RIPOR3: variants seen among roughly 807,000 people sequenced by gnomAD.
The protein encoded by RIPOR3 is family with sequence similarity 65 member C.
A neutral mutation model predicts 114.3 loss-of-function variants in RIPOR3; 95 were observed. That is an observed-to-expected ratio of 0.83 (90% CI 0.70 to 0.99). The LOEUF is 0.99. Among genes scored for constraint, RIPOR3 ranks in the 50% least tolerant of loss-of-function variants. RIPOR3 has a pLI of 0.00. For missense variants in RIPOR3, 1,252 were observed against 1,266.9 expected, an observed-to-expected ratio of 0.99 and a Z score of 0.18; for synonymous variants, 575 against 543.8, an observed-to-expected ratio of 1.06 and a Z score of -0.80.
At chr20:50,633,639 A>G (rs1405829820) in intron 1 of RIPOR3, among the ~76,000 whole-genome samples, 1 of 152,156 alleles carries the variant, frequency 6.6e-6, no homozygotes, top group Admixed American at 6.6e-5. Flanking sequence ...CTCCCTCTGC[A>G]CCTTCCCATC....
intron 1 of RIPOR3, among the ~76,000 whole-genome samples, chr20:50,672,057 G>C (rs1197557591): frequency 6.6e-6 from 1 of 152,078 alleles, no homozygotes; most frequent in Non-Finnish European, 1.5e-5. Context: ...TGGATGGAAG[G>C]ATGGATGGGT....
chr20:50,608,477 C>T lies in RIPOR3; in HGVS notation c.868G>A (p.Ala290Thr), dbSNP rs775730610. ...TGCGGCCGCGTCGTGAAGAAGTCGG[C>T]GATGTCACACGTCACTGCACCCACA... Reference protein sequence around the residue: ...LAVGAVTCDIADFFTTRPQVI... With the variant: ...LAVGAVTCDITDFFTTRPQVI... The change falls in exon 11 of 22, where the codon GCC (alanine) becomes ACC (threonine). Residue 290 changes from alanine (A) to threonine (T), a missense_variant. By Grantham distance (58) the Ala-to-Thr change is moderately conservative (BLOSUM62 0). Transcript: ENST00000327979. 8.1e-6 allele frequency: 13 copies of T among 1,613,934 alleles called. No homozygotes were observed. Among genetic ancestry groups the T allele is most frequent in the African/African-American group, 4.0e-5 (3 of 75,022 alleles).
chr20:50,651,074 C>A (rs2085586454), intron 1 of RIPOR3, among the ~76,000 whole-genome samples: 1 of 152,028 alleles, frequency 6.6e-6, no homozygotes, highest in Non-Finnish European at 1.5e-5. Flanking sequence ...CGGGTTCAAG[C>A]AGTTCTCCTG....
intron 2 of RIPOR3, among the ~76,000 whole-genome samples, chr20:50,624,906 G>T (rs555836773): frequency 2.0e-5 from 3 of 152,172 alleles, no homozygotes; most frequent in African/African-American, 7.2e-5. Context: ...GCCTCCAGGC[G>T]GGACAATTAT....
intron 1 of RIPOR3, among the ~76,000 whole-genome samples, chr20:50,681,234 AAAAAAAAAGAAAAG>A (rs1278044353): frequency 8.8e-6 from 1 of 113,040 alleles, no homozygotes; most frequent in African/African-American, 3.0e-5. Context: ...CAAAAAAAAA[AAAAAAAAAGAAAAG>A]AAAAGAAAAG....
At chr20:50,650,474 T>G (rs1311230726) in intron 1 of RIPOR3, among the ~76,000 whole-genome samples, 1 of 152,074 alleles carries the variant, frequency 6.6e-6, no homozygotes, top group Non-Finnish European at 1.5e-5. Context: ...GGCTAACTTT[T>G]TGTACTTTTA....
chr20:50,631,459 T>C (rs1416162698), intron 1 of RIPOR3, among the ~76,000 whole-genome samples: 1 of 152,124 alleles, frequency 6.6e-6, no homozygotes, highest in Non-Finnish European at 1.5e-5. Context: ...CCAGGATGCA[T>C]GAGGGGACTT....
At chr20:50,685,819 CAAAAA>C (rs541595639) in intron 1 of RIPOR3, among the ~76,000 whole-genome samples, 1 of 113,032 alleles carries the variant, frequency 8.8e-6, no homozygotes, top group Non-Finnish European at 1.7e-5. Context: ...GACTCTGTCT[CAAAAA>C]AAAAAAAAAA....
Position 50,608,227 on chromosome 20 carries a change from C to A in RIPOR3, c.956+162G>T, listed in dbSNP as rs144987952. On this transcript the variant is annotated intron_variant, in intron 11 of 21. Coordinates refer to ENST00000327979, the MANE Select transcript of RIPOR3 (RefSeq NM_001290268.2). Reference sequence around the variant, plus strand: ...GCAGGGGCTACAGAGAAGTTCTAGGCCTCGACCTGACTGAGGGGTGGGAGT... The same window carrying A: ...GCAGGGGCTACAGAGAAGTTCTAGGACTCGACCTGACTGAGGGGTGGGAGT... Among the ~76,000 whole-genome samples, 1,153 of 152,264 alleles carry A rather than the reference C, an allele frequency of 7.6e-3. 6 individuals are homozygous for A. Among genetic ancestry groups the A allele is most frequent in the Middle Eastern group, 0.017 (5 of 294 alleles).
intron 1 of RIPOR3, among the ~76,000 whole-genome samples, chr20:50,650,176 A>G (rs2085549799): frequency 6.6e-6 from 1 of 152,150 alleles, no homozygotes; most frequent in African/African-American, 2.4e-5. Flanking sequence ...GGAAGAGGCA[A>G]GAGAACACTC....
chr20:50,682,018 A>T (rs1257814544), intron 1 of RIPOR3, among the ~76,000 whole-genome samples: 1 of 152,298 alleles, frequency 6.6e-6, no homozygotes, highest in African/African-American at 2.4e-5. Flanking sequence ...TGGCTTGTGA[A>T]TTGGTACAAC....
chr20:50,649,226 C>A (rs190584837), intron 1 of RIPOR3, among the ~76,000 whole-genome samples: 1 of 152,294 alleles, frequency 6.6e-6, no homozygotes, highest in East Asian at 1.9e-4. Flanking sequence ...GGACAGATCA[C>A]CTGAGGTTAG....
chr20:50,641,652 C>T (rs1252064358), intron 1 of RIPOR3, among the ~76,000 whole-genome samples: 5 of 152,186 alleles, frequency 3.3e-5, no homozygotes, highest in Admixed American at 6.5e-5. Flanking sequence ...GGAATCTGTC[C>T]CCAGCCACCT....
At chr20:50,651,970 G>A (rs920628532) in intron 1 of RIPOR3, among the ~76,000 whole-genome samples, 4 of 152,180 alleles carry the variant, frequency 2.6e-5, no homozygotes, top group Non-Finnish European at 4.4e-5. Context: ...TGGACATGGC[G>A]GGGCAAAGAC....
Position 50,611,193 on chromosome 20 carries a change from A to G in RIPOR3, c.360T>C (p.Tyr120=), listed in dbSNP as rs1276526472. Reference sequence around the variant, plus strand: ...TATGCAGACTCACCTTGTCCAGGTCATAATAGAAAGCCTGTGAGGGAGGAA... The same window carrying G: ...TATGCAGACTCACCTTGTCCAGGTCGTAATAGAAAGCCTGTGAGGGAGGAA... ...TRRNSRLAFY[Y]DLDKQTRCVE... Residue 120 remains tyrosine, a synonymous_variant, in exon 5 of 22, where the codon TAT becomes TAC. Coordinates refer to ENST00000327979, the MANE Select transcript of RIPOR3 (RefSeq NM_001290268.2). 7.4e-6 allele frequency: 12 copies of G among 1,614,064 alleles called. No homozygotes were observed. Among genetic ancestry groups the G allele is most frequent in the Non-Finnish European group, 9.3e-6 (11 of 1,180,040 alleles).
At chr20:50,587,417 A>G (rs761566767) in intron 21 of RIPOR3, 85 bp from the exon 22 acceptor site, 99 of 1,164,916 alleles carry the variant, frequency 8.5e-5, no homozygotes, top group Non-Finnish European at 1.1e-4. Flanking sequence ...CCTAGTGCTT[A>G]GTGACTGTGG....
rs186353500 is a variant in RIPOR3 at position 50,602,730 on chromosome 20, C to T, written c.1087-86G>A. 6.0e-5 allele frequency: 61 copies of T among 1,025,156 alleles called. No homozygotes were observed. Among genetic ancestry groups the T allele is most frequent in the East Asian group, 8.6e-5 (3 of 34,914 alleles). 63.5% of individuals were successfully genotyped at this position (1,025,156 alleles called of 1,614,324 possible). A position where few individuals can be genotyped will look rare whatever the true frequency, so the allele number is the denominator to read the frequency against. On this transcript the variant is annotated intron_variant, in intron 12 of 21. Transcript: ENST00000327979. This position sits in a 1 kb window ranked among gnomAD's most constrained non-coding sequence, Gnocchi z 4.3. ...AGAGGGGCTTCCCCTGACAGACACCCGCTGTGCATGCCCATGTTCTCAGGA... is the reference window on the plus strand; with the variant it reads ...AGAGGGGCTTCCCCTGACAGACACCTGCTGTGCATGCCCATGTTCTCAGGA...
rs866111197 is a variant in RIPOR3, at chr20:50,644,714, G to A, written c.4-13858C>T. 3.5e-3 allele frequency among the ~76,000 whole-genome samples: 400 copies of A among 114,382 alleles called. 3 individuals are homozygous for A. Among genetic ancestry groups the A allele is most frequent in the African/African-American group, 0.013 (371 of 27,918 alleles). 75.0% of individuals were successfully genotyped at this position (114,382 alleles called of 152,430 possible). On this transcript the variant is annotated intron_variant, in intron 1 of 21. Coordinates refer to ENST00000327979, the MANE Select transcript of RIPOR3 (RefSeq NM_001290268.2). ...TTTTTTTTTTTTTTGTAGAGACGGA[G>A]TTTCACCATGTTGCCCAGACTATTC...
intron 3 of RIPOR3, among the ~76,000 whole-genome samples, chr20:50,617,047 C>G (rs1404259761): frequency 1.3e-5 from 2 of 152,164 alleles, no homozygotes; most frequent in Non-Finnish European, 2.9e-5. Context: ...GAGGCTGAAG[C>G]AGGAGAATTG....
Sources: allele counts gnomAD v4.1 joint callset (sites outside exome capture counted in the v4.1 genomes callset), GRCh38; gene constraint gnomAD v4.1.1; non-coding constraint Gnocchi (gnomAD v3.1); transcripts MANE v1.5; gene names NCBI Gene and HGNC (gene_info 2026-07-23, HGNC 2026-07-21).